The following MNT variants were observed in gnomAD, a reference collection of about 807,000 sequenced individuals.
The protein encoded by MNT is MAX network transcriptional repressor, also known as max-binding protein MNT.
MNT carries 13 observed loss-of-function variants against 40.7 expected under a neutral mutation model. The observed-to-expected ratio is 0.32, with a 90% confidence interval of 0.21 to 0.51. The LOEUF is 0.51. Among genes scored for constraint, MNT ranks in the 20% least tolerant of loss-of-function variants. MNT has a pLI of 0.98. For missense variants in MNT, 757 were observed against 792.0 expected (o/e 0.96, Z 0.53); for synonymous variants, 426 against 354.8 (o/e 1.20, Z -2.26).
rs758575504 is a variant in MNT at position 2,394,061 on chromosome 17, C to T, written c.789G>A (p.Thr263=). Reference sequence around the variant, plus strand: ...CCCATACCTGGATGTACCGCAGCGCCGTCCGCAGCACGCTCAGATTGGACG... The same window carrying T: ...CCCATACCTGGATGTACCGCAGCGCTGTCCGCAGCACGCTCAGATTGGACG... ...KKTSNLSVLR[T]ALRYIQSLKR... Residue 263 remains threonine, a synonymous_variant, in exon 4 of 6, where the codon ACG becomes ACA. Transcript: ENST00000174618. 3.1e-6 allele frequency: 5 copies of T among 1,604,936 alleles called. No individual in the cohort carries two copies. The highest frequency in any genetic ancestry group is 4.3e-6 in the Non-Finnish European group (5 of 1,176,252).
In MNT at chr17:2,394,880, G is replaced by C. The variant is rs777135670; in HGVS notation, c.648C>G (p.Pro216=). 1.8e-5 allele frequency: 28 copies of C among 1,578,384 alleles called. No individual in the cohort carries two copies. The South Asian group carries it at 2.8e-4, about 16-fold the overall frequency. ...EVKSSEQKKR[P]GGIGTREVHN... ...CCCCGCCACACCCCACTCACCCCCC[G>C]GGCCTCTTCTTCTGTTCACTGGATT... is the stretch of plus-strand genomic sequence containing the variant. The change falls in exon 2 of 6, where the codon CCC becomes CCG. Residue 216 remains proline, a synonymous_variant. Coordinates refer to ENST00000174618, the MANE Select transcript of MNT (RefSeq NM_020310.3).
rs539682697 is a variant in MNT at position 2,394,277 on chromosome 17, G to GCACGCACGCACACA, written c.695+27_695+28insTGTGTGCGTGCGTG. On this transcript the variant is annotated intron_variant, in intron 3 of 5. Transcript: ENST00000174618. ...CCGGGTCGCGCGCGCACGCACGCAC[G>GCACGCACGCACACA]CACACACACACACACACACACACAC... The GCACGCACGCACACA allele has an allele frequency of 3.6e-4, 532 of 1,489,268 alleles. 1 individual carries two copies. In the African/African-American group the frequency reaches 4.3e-3, roughly 12 times the overall value. 92.3% of individuals were successfully genotyped at this position (1,489,268 alleles called of 1,614,324 possible).
intron 4 of MNT, among the ~76,000 whole-genome samples, chr17:2,393,300 G>C (rs1347970623): frequency 6.6e-6 from 1 of 152,034 alleles, no homozygotes; most frequent in African/African-American, 2.4e-5. Flanking sequence ...GCAACCGCCT[G>C]ACGTGGCGGC....
Position 2,394,938 on chromosome 17 carries a change from C to G in MNT, c.590G>C (p.Gly197Ala). Reference sequence around the variant, plus strand: ...TTCAGCTGGTGCCAACTTCAGGGTCCCCAGCGTGGGTGGGGGCGGCTGCTG... The same window carrying G: ...TTCAGCTGGTGCCAACTTCAGGGTCGCCAGCGTGGGTGGGGGCGGCTGCTG... Reference protein sequence around the residue: ...APQQPPPPTLGTLKLAPAEEV... With the variant: ...APQQPPPPTLATLKLAPAEEV... The change falls in exon 2 of 6, where the codon GGG (glycine) becomes GCG (alanine). Residue 197 changes from glycine to alanine, a missense_variant. Gly to Ala is a moderately conservative substitution (Grantham distance 60). Transcript: ENST00000174618. The G allele has an allele frequency of 1.2e-6, 2 of 1,607,878 alleles. No homozygotes were observed. Among genetic ancestry groups the G allele is most frequent in the Non-Finnish European group, 1.7e-6 (2 of 1,177,518 alleles).
chr17:2,385,729 C>G lies in MNT; in HGVS notation c.*1172G>C, dbSNP rs1277756428. 6.6e-6 allele frequency: 1 copy of G among 152,376 alleles called. No homozygotes were observed. 9.4% of individuals were successfully genotyped at this position (152,376 alleles called of 1,614,324 possible). A position where few individuals can be genotyped will look rare whatever the true frequency, so the allele number is the denominator to read the frequency against. ...AGAGGCAAAGGGGCTGGAGCAGAAG[C>G]AGCAGCCCTAGCTCTGGCCCTCTGT... On this transcript the variant is annotated 3_prime_UTR_variant, in exon 6 of 6. Coordinates refer to ENST00000174618, the MANE Select transcript of MNT (RefSeq NM_020310.3).
Position 2,387,570 on chromosome 17 carries a change from C to G in MNT, c.1080G>C (p.Gln360His), listed in dbSNP as rs763301066. The G allele has an allele frequency of 3.7e-6, 6 of 1,614,050 alleles. No homozygotes were observed. Among genetic ancestry groups the G allele is most frequent in the Non-Finnish European group, 5.1e-6 (6 of 1,179,974 alleles). ...GCAGGGTGGACTTCAGCAGCTCCGG[C>G]TGGGGACGATGGCTCAGCTTAGGTG... ...LGPPKLSHRP[Q>H]PELLKSTLPP... Residue 360 changes from glutamine to histidine, a missense_variant, in exon 6 of 6, where the codon CAG becomes CAC. Physicochemically the swap from Gln to His is conservative, Grantham distance 24. Around this residue, in one of 4 missense-constraint regions of MNT, gnomAD observed 345 missense variants for 380.1 expected, o/e 0.91. Transcript: ENST00000174618.
In MNT at chr17:2,395,044, T is replaced by A. The variant is rs761255582; in HGVS notation, c.484A>T (p.Ser162Cys). 4 of 1,577,578 alleles carry A rather than the reference T, an allele frequency of 2.5e-6. No homozygotes were observed. Among genetic ancestry groups the A allele is most frequent in the Non-Finnish European group, 3.4e-6 (4 of 1,162,648 alleles). The change falls in exon 2 of 6, where the codon AGC becomes TGC. Residue 162 changes from serine to cysteine, a missense_variant. Physicochemically the swap from Ser to Cys is moderately radical, Grantham distance 112 (BLOSUM62 -1). This residue lies in a region of MNT where 335 missense variants were observed against 291.4 expected (regional missense o/e 1.15). Coordinates refer to ENST00000174618, the MANE Select transcript of MNT (RefSeq NM_020310.3). ...DSKATIPPNG[S>C]PKPLQPLPTP... is the part of the protein sequence containing the mutation. Reference sequence around the variant, plus strand: ...GGGAGGGGCTGCAAAGGCTTGGGGCTGCCATTGGGTGGAATGGTGGCCTTC... The same window carrying A: ...GGGAGGGGCTGCAAAGGCTTGGGGCAGCCATTGGGTGGAATGGTGGCCTTC...
chr17:2,389,715 G>A (rs1218256374), intron 4 of MNT: 1 of 152,364 alleles, frequency 6.6e-6, no homozygotes, highest in East Asian at 1.9e-4. Context: ...TGGTGTGGAG[G>A]AGGAACCATA....
intron 1 of MNT, among the ~76,000 whole-genome samples, chr17:2,399,155 C>T (rs545139159): frequency 6.6e-6 from 1 of 152,170 alleles, no homozygotes; most frequent in Non-Finnish European, 1.5e-5. Flanking sequence ...ACAACCAACC[C>T]TGCCGGGGGA....
At chr17:2,394,841 C>G (rs1341505462) in intron 2 of MNT, 34 bp downstream of exon 2, 1 of 1,505,866 alleles carries the variant, frequency 6.6e-7, no homozygotes, top group Non-Finnish European at 9.0e-7. Context: ...CTCTCCTATC[C>G]CCCACCAGCC....
chr17:2,387,882 G>A lies in MNT; in HGVS notation c.975C>T (p.Asp325=). 1 of 1,601,984 alleles carries A rather than the reference G, an allele frequency of 6.2e-7. No homozygotes were observed. The highest frequency in any genetic ancestry group is 8.5e-7 in the Non-Finnish European group (1 of 1,178,402). The change falls in exon 5 of 6, where the codon GAC becomes GAT. Residue 325 remains aspartate, a synonymous_variant. Coordinates refer to ENST00000174618, the MANE Select transcript of MNT (RefSeq NM_020310.3). The part of the protein sequence containing the change: ...VLRQTGQPED[D]QASTSTASEG... ...CAGAGGCGGTGGAGGTGGAGGCCTG[G>A]TCATCCTCGGGCTGGCCCGTCTGCC...
chr17:2,399,568 CA>C (rs1441546621), intron 1 of MNT, among the ~76,000 whole-genome samples: 1 of 152,178 alleles, frequency 6.6e-6, no homozygotes, highest in Non-Finnish European at 1.5e-5. Flanking sequence ...CCTCGCAGGG[CA>C]AAGGCTCTCC....
chr17:2,388,297 A>T, intron 4 of MNT: 1 of 503,678 alleles, frequency 2.0e-6, no homozygotes, highest in South Asian at 2.8e-5. Context: ...CCAGGTGTGC[A>T]GGTCCTTCCC....
chr17:2,387,287 C>T lies in MNT; in HGVS notation c.1363G>A (p.Val455Met), dbSNP rs201365025. ...CCTGGCCCCTGCAGAACGTGGTTCA[C>T]AGTCTGGATGACTGAAGCGTGAGTG... ...ATTHASVIQT[V>M]NHVLQGPGGK... The change falls in exon 6 of 6, where the codon GTG becomes ATG. Residue 455 changes from valine to methionine, a missense_variant. Physicochemically the swap from Val to Met is conservative, Grantham distance 21. Transcript: ENST00000174618. 1 of 1,613,458 alleles carries T rather than the reference C, an allele frequency of 6.2e-7. No individual in the cohort carries two copies. The highest frequency in any genetic ancestry group is 8.5e-7 in the Non-Finnish European group (1 of 1,179,816).
intron 3 of MNT, 73 bp downstream of exon 3, chr17:2,394,232 G>C (rs1419532353): frequency 6.3e-7 from 1 of 1,592,918 alleles, no homozygotes; most frequent in East Asian, 2.3e-5. Flanking sequence ...GGGGAAGCTG[G>C]GGCCGAGGGC....
At position 2,394,277 on chromosome 17, in the gene MNT, G is replaced by GCGCGCACGCACACACACACACA. The variant is rs1555611876; in HGVS notation, c.695+27_695+28insTGTGTGTGTGTGTGCGTGCGCG. ...CCGGGTCGCGCGCGCACGCACGCACGCACACACACACACACACACACACAC... is the reference window on the plus strand; with the variant it reads ...CCGGGTCGCGCGCGCACGCACGCACGCGCGCACGCACACACACACACACACACACACACACACACACACACAC... On this transcript the variant is annotated intron_variant, in intron 3 of 5. Transcript: ENST00000174618. The GCGCGCACGCACACACACACACA allele has an allele frequency of 3.4e-6, 5 of 1,489,246 alleles. No homozygotes were observed. The African/African-American group carries it at 6.3e-5, about 19-fold the overall frequency. 92.3% of individuals were successfully genotyped at this position (1,489,246 alleles called of 1,614,324 possible).
At chr17:2,394,463 G>T in intron 2 of MNT, 117 bp from the exon 3 acceptor site, 1 of 1,477,924 alleles carries the variant, frequency 6.8e-7, no homozygotes, top group Non-Finnish European at 9.3e-7. Context: ...CTGTCTTAAA[G>T]CAGACTGGGA....
rs1343178191 is a variant in MNT, at chr17:2,395,015, C to A, written c.513G>T (p.Thr171=). 4 of 1,600,184 alleles carry A rather than the reference C, an allele frequency of 2.5e-6. No homozygotes were observed. The highest frequency in any genetic ancestry group is 1.3e-5 in the African/African-American group (1 of 74,600). The change falls in exon 2 of 6, where the codon ACG becomes ACT. Residue 171 remains threonine (T), a synonymous_variant. Transcript: ENST00000174618. ...GGTGTGGCGCTATGGTCAGGACAGGCGTGGGGAGGGGCTGCAAAGGCTTGG... is the reference window on the plus strand; with the variant it reads ...GGTGTGGCGCTATGGTCAGGACAGGAGTGGGGAGGGGCTGCAAAGGCTTGG... The part of the protein sequence containing the change: ...GSPKPLQPLP[T]PVLTIAPHPG...
At chr17:2,396,175 G>A (rs1448212436) in intron 1 of MNT, among the ~76,000 whole-genome samples, 1 of 152,174 alleles carries the variant, frequency 6.6e-6, no homozygotes, top group Non-Finnish European at 1.5e-5. Context: ...TCACACATGT[G>A]GAAACAGCCC....
Sources: gnomAD v4.1 joint callset for allele counts (sites outside exome capture counted in the v4.1 genomes callset) on GRCh38, gnomAD v4.1.1 for gene constraint, gnomAD v4.1.1 regional missense constraint, MANE v1.5 for transcripts, NCBI Gene and HGNC (gene_info 2026-07-23, HGNC 2026-07-21) for gene names.